Variants in GRM7 observed in about 807,000 individuals in gnomAD.
GRM7 encodes the protein glutamate metabotropic receptor 7.
GRM7 carries 35 observed loss-of-function variants against 84.5 expected under a neutral mutation model. The ratio of observed to expected loss-of-function variants is 0.41; its 90% confidence interval spans 0.32 to 0.55. The LOEUF is 0.55. GRM7 is among the 20% of genes least tolerant of loss of function. The probability of loss-of-function intolerance (pLI) is 0.19; values close to 1 mark genes in which losing one functional copy is unlikely to be tolerated. For missense variants in GRM7, 1,003 were observed against 1,194.6 expected, an observed-to-expected ratio of 0.84 and a Z score of 2.36; for synonymous variants, 487 against 455.1, an observed-to-expected ratio of 1.07 and a Z score of -0.89.
intron 9 of GRM7, 78 bp downstream of exon 9, chr3:7,680,373 C>G: frequency 2.1e-6 from 3 of 1,445,522 alleles, no homozygotes; most frequent in African/African-American, 1.4e-5. Flanking sequence ...GCTTGCCTCT[C>G]TGGAGAAATA....
intron 2 of GRM7, among the ~76,000 whole-genome samples, chr3:7,180,642 C>T (rs2125096644): frequency 6.6e-6 from 1 of 152,258 alleles, no homozygotes; most frequent in South Asian, 2.1e-4. Flanking sequence ...GAAGAATTTA[C>T]CAGATACCTC....
chr3:7,091,578 C>A (rs760662071), intron 1 of GRM7, among the ~76,000 whole-genome samples: 2 of 151,684 alleles, frequency 1.3e-5, no homozygotes, highest in African/African-American at 4.9e-5. Flanking sequence ...CTTCCAGAGT[C>A]CCATTATCTC....
intron 2 of GRM7, among the ~76,000 whole-genome samples, chr3:7,296,571 A>G (rs1699821207): frequency 6.6e-6 from 1 of 152,116 alleles, no homozygotes; most frequent in African/African-American, 2.4e-5. Context: ...ACATAAGACT[A>G]TTCAGATTAC....
chr3:7,047,050 C>T (rs1696829182), intron 1 of GRM7, among the ~76,000 whole-genome samples: 1 of 151,904 alleles, frequency 6.6e-6, no homozygotes, highest in African/African-American at 2.4e-5. Flanking sequence ...GGTTTCTTAT[C>T]CAAAATCTAT....
At chr3:7,279,024 T>G (rs1699168227) in intron 2 of GRM7, among the ~76,000 whole-genome samples, 1 of 152,214 alleles carries the variant, frequency 6.6e-6, no homozygotes, top group Non-Finnish European at 1.5e-5. Context: ...TTTATGACTC[T>G]AATATCCACT....
At chr3:7,451,595 G>A (rs1008341114) in intron 5 of GRM7, among the ~76,000 whole-genome samples, 1 of 152,094 alleles carries the variant, frequency 6.6e-6, no homozygotes, top group South Asian at 2.1e-4. Context: ...TGGGCTTTGG[G>A]GTCTGACAAG....
Position 7,486,967 on chromosome 3 carries a change from T to C in GRM7, c.1515+25245T>C, listed in dbSNP as rs77767126. Among the ~76,000 whole-genome samples the C allele has an allele frequency of 6.7e-3, 1,014 of 152,278 alleles. 26 individuals carry two copies. The East Asian group carries it at 0.071, about 11-fold the overall frequency. On this transcript the variant is annotated intron_variant, in intron 7 of 9. Transcript: ENST00000357716. This position sits in a 1 kb window ranked among gnomAD's most constrained non-coding sequence, Gnocchi z 5.5. ...TGGAACTTCTTAGAGATTAGTTAAG[T>C]TGTGGTGACTGAAATGTAGATAGGA...
chr3:7,658,935 A>AAATAT (rs1368091643), intron 8 of GRM7, among the ~76,000 whole-genome samples: 2 of 152,240 alleles, frequency 1.3e-5, no homozygotes, highest in African/African-American at 2.4e-5. Context: ...CATTTTACAT[A>AAATAT]AATATAATAT....
At chr3:7,278,812 C>T (rs1280094911) in intron 2 of GRM7, among the ~76,000 whole-genome samples, 2 of 152,160 alleles carry the variant, frequency 1.3e-5, no homozygotes, top group Admixed American at 6.5e-5. Flanking sequence ...AGAGACTTCT[C>T]AGGTCTTCAC....
chr3:6,912,286 A>T (rs756274761), intron 1 of GRM7, among the ~76,000 whole-genome samples: 19 of 152,328 alleles, frequency 1.2e-4, no homozygotes, highest in Non-Finnish European at 2.6e-4. Flanking sequence ...ATGAGCTATA[A>T]TATGCCCTGT....
chr3:7,051,493 G>A (rs1696997352), intron 1 of GRM7, among the ~76,000 whole-genome samples: 2 of 151,810 alleles, frequency 1.3e-5, no homozygotes, highest in African/African-American at 4.8e-5. Context: ...CATTTCTCCA[G>A]TCTAAAGAGA....
At chr3:7,566,135 A>G (rs1466859185) in intron 7 of GRM7, among the ~76,000 whole-genome samples, 2 of 110,202 alleles carry the variant, frequency 1.8e-5, no homozygotes, top group African/African-American at 7.0e-5. Context: ...TTTTTTTTGT[A>G]AAAGATCAGA....
intron 4 of GRM7, among the ~76,000 whole-genome samples, chr3:7,390,285 T>A (rs1694941110): frequency 6.6e-6 from 1 of 152,092 alleles, no homozygotes; most frequent in Non-Finnish European, 1.5e-5. Flanking sequence ...TGCTTTAAGG[T>A]TTTTTTGTGT....
intron 7 of GRM7, among the ~76,000 whole-genome samples, chr3:7,479,723 C>G (rs1699056778): frequency 6.6e-6 from 1 of 152,048 alleles, no homozygotes; most frequent in South Asian, 2.1e-4. Context: ...AGATGAGAAA[C>G]CAGAGGTCCC....
intron 4 of GRM7, among the ~76,000 whole-genome samples, chr3:7,327,382 G>A (rs1232785196): frequency 1.3e-5 from 2 of 152,112 alleles, no homozygotes; most frequent in Admixed American, 6.6e-5. Flanking sequence ...AAGGAGAGGA[G>A]AGGAAAGAAA....
At chr3:7,055,738 C>G (rs1023224023) in intron 1 of GRM7, among the ~76,000 whole-genome samples, 1 of 151,878 alleles carries the variant, frequency 6.6e-6, no homozygotes, top group Admixed American at 6.6e-5. Flanking sequence ...CTACGCTGAT[C>G]CGAAACTCCT....
At chr3:7,478,638 G>A (rs1291910195) in intron 7 of GRM7, among the ~76,000 whole-genome samples, 9 of 152,140 alleles carry the variant, frequency 5.9e-5, no homozygotes, top group Non-Finnish European at 1.3e-4. Flanking sequence ...TAACCCATAA[G>A]TTACTGGATC....
intron 9 of GRM7, chr3:7,691,376 T>C: frequency 1.6e-6 from 1 of 633,644 alleles, no homozygotes; most frequent in Middle Eastern, 3.3e-4. Context: ...GTGCTATCTT[T>C]TTCTCTGGTC....
chr3:7,272,237 T>A (rs1218955055), intron 2 of GRM7, among the ~76,000 whole-genome samples: 1 of 152,280 alleles, frequency 6.6e-6, no homozygotes, highest in East Asian at 1.9e-4. Context: ...CTATCTCTTT[T>A]GGGCTCTCAC....
Sources: allele counts gnomAD v4.1 joint callset (sites outside exome capture counted in the v4.1 genomes callset), GRCh38; gene constraint gnomAD v4.1.1; non-coding constraint Gnocchi (gnomAD v3.1); transcripts MANE v1.5; gene names NCBI Gene and HGNC (gene_info 2026-07-23, HGNC 2026-07-21).